Variants in PEBP4 observed in about 807,000 individuals in gnomAD.
PEBP4 encodes phosphatidylethanolamine binding protein 4, also known as phosphatidylethanolamine-binding protein 4.
PEBP4 carries 22 observed loss-of-function variants against 23.9 expected under a neutral mutation model. The observed-to-expected ratio is 0.92, with a 90% CI of 0.66 to 1.31. The LOEUF (loss-of-function observed/expected upper bound fraction) is 1.31, where lower values mean the gene tolerates loss of function less well. PEBP4 is among the 40% of genes most tolerant of loss of function. The pLI, the probability that PEBP4 is intolerant of heterozygous loss-of-function variation, is 0.00. For missense variants in PEBP4, 324 were observed against 281.7 expected (o/e 1.15, Z -1.07); for synonymous variants, 112 against 99.3 (o/e 1.13, Z -0.76).
chr8:22,765,455 T>C (rs1449277671), intron 4 of PEBP4, among the ~76,000 whole-genome samples: 1 of 152,164 alleles, frequency 6.6e-6, no homozygotes, highest in Non-Finnish European at 1.5e-5. Context: ...AGGTCCTCAG[T>C]TTCTTAGAAA....
intron 3 of PEBP4, among the ~76,000 whole-genome samples, chr8:22,873,406 G>A (rs562981461): frequency 1.3e-5 from 2 of 152,186 alleles, no homozygotes; most frequent in South Asian, 4.2e-4. Context: ...AGGCGAGGAG[G>A]ATTGTTTGAA....
chr8:22,921,690 G>C (rs1385870800), intron 2 of PEBP4, among the ~76,000 whole-genome samples: 2 of 152,264 alleles, frequency 1.3e-5, no homozygotes, highest in Admixed American at 1.3e-4. Flanking sequence ...TCATGGGCTT[G>C]CTGAGCAAGT....
chr8:22,835,883 AG>A (rs1807196167), intron 3 of PEBP4, among the ~76,000 whole-genome samples: 2 of 152,390 alleles, frequency 1.3e-5, no homozygotes, highest in East Asian at 3.9e-4. Flanking sequence ...AAAAGGTCCC[AG>A]TTTCTTCACT....
chr8:22,935,678 CA>C (rs1809528243), intron 1 of PEBP4, among the ~76,000 whole-genome samples: 1 of 152,114 alleles, frequency 6.6e-6, no homozygotes, highest in South Asian at 2.1e-4. Context: ...GTTTTATGCA[CA>C]ACATTATTAA....
intron 4 of PEBP4, among the ~76,000 whole-genome samples, chr8:22,752,327 A>T (rs560146462): frequency 6.6e-6 from 1 of 150,666 alleles, no homozygotes; most frequent in African/African-American, 2.5e-5. Flanking sequence ...TAAAATGGAT[A>T]AAAAAGGTGA....
chr8:22,809,493 G>A (rs947361674), intron 4 of PEBP4, among the ~76,000 whole-genome samples: 4 of 152,220 alleles, frequency 2.6e-5, no homozygotes, highest in Non-Finnish European at 4.4e-5. Context: ...TGTGGAACCC[G>A]TTTAGACTCT....
At chr8:22,841,486 T>C (rs1265723914) in intron 3 of PEBP4, among the ~76,000 whole-genome samples, 1 of 152,212 alleles carries the variant, frequency 6.6e-6, no homozygotes, top group Non-Finnish European at 1.5e-5. Flanking sequence ...AGCAAACGGG[T>C]CCTTTCTCTA....
At chr8:22,926,002 G>A (rs151073211) in intron 2 of PEBP4, among the ~76,000 whole-genome samples, 9 of 152,296 alleles carry the variant, frequency 5.9e-5, no homozygotes, top group African/African-American at 2.2e-4. Flanking sequence ...TTGAGACAGA[G>A]TCTTGGTCTG....
rs1055300830 is a variant in PEBP4, at chr8:22,865,880, G to C, written c.259-48145C>G. The stretch of plus-strand genomic sequence containing the variant: ...CGCAGGGCCCACCCCGGCTGTCCCA[G>C]CTCGGGCGCCCCAAACCCACAGCTC... On this transcript the variant is annotated intron_variant, in intron 3 of 6. Transcript: ENST00000256404. The surrounding 1 kb of genome is among the most constrained non-coding windows in gnomAD (Gnocchi z 6.9). Among the ~76,000 whole-genome samples the C allele has an allele frequency of 2.6e-5, 4 of 152,136 alleles. No individual in the cohort carries two copies. The highest frequency in any genetic ancestry group is 2.1e-4 in the South Asian group (1 of 4,838).
intron 3 of PEBP4, among the ~76,000 whole-genome samples, chr8:22,853,336 A>T (rs565253737): frequency 1.1e-4 from 17 of 152,356 alleles, no homozygotes; most frequent in Non-Finnish European, 1.9e-4. Flanking sequence ...TGGTTTCTCC[A>T]GGTCACAGAG....
At chr8:22,841,403 A>G (rs1382676105) in intron 3 of PEBP4, among the ~76,000 whole-genome samples, 1 of 152,268 alleles carries the variant, frequency 6.6e-6, no homozygotes, top group African/African-American at 2.4e-5. Flanking sequence ...GGTTACTTTC[A>G]AAATTAAGAA....
At chr8:22,924,255 T>C (rs1378946730) in intron 2 of PEBP4, among the ~76,000 whole-genome samples, 1 of 152,044 alleles carries the variant, frequency 6.6e-6, no homozygotes, top group Non-Finnish European at 1.5e-5. Context: ...TCCCAGCTAC[T>C]CAGGACGTTG....
At chr8:22,913,064 C>G (rs989727747) in intron 3 of PEBP4, among the ~76,000 whole-genome samples, 2 of 152,236 alleles carry the variant, frequency 1.3e-5, no homozygotes, top group African/African-American at 4.8e-5. Context: ...TTCTGTCCTT[C>G]AGACTACAAA....
At chr8:22,734,168 A>G (rs1399386563) in intron 4 of PEBP4, among the ~76,000 whole-genome samples, 1 of 152,206 alleles carries the variant, frequency 6.6e-6, no homozygotes, top group Non-Finnish European at 1.5e-5. Flanking sequence ...AGGGTAAGTG[A>G]GCGGAAGGCA....
At chr8:22,744,929 T>C (rs1434299731) in intron 4 of PEBP4, among the ~76,000 whole-genome samples, 1 of 152,174 alleles carries the variant, frequency 6.6e-6, no homozygotes, top group Non-Finnish European at 1.5e-5. Flanking sequence ...GGTTAATGAC[T>C]TGCCGGAGAT....
At position 22,738,110 on chromosome 8, in the gene PEBP4, G is replaced by A. The variant is rs148410495; in HGVS notation, c.358-10890C>T. On this transcript the variant is annotated intron_variant, in intron 4 of 6. Coordinates refer to ENST00000256404, the MANE Select transcript of PEBP4 (RefSeq NM_144962.3). ...CAGCTGTGAATGTTGGGCCTGCCCC[G>A]CTGGGCCTATACTCAGCCAGGGTGC... 4.6e-5 allele frequency among the ~76,000 whole-genome samples: 7 copies of A among 152,336 alleles called. No homozygotes were observed. The East Asian group carries it at 9.7e-4, about 21-fold the overall frequency.
intron 2 of PEBP4, among the ~76,000 whole-genome samples, chr8:22,927,057 G>A (rs1444100477): frequency 6.6e-6 from 1 of 152,208 alleles, no homozygotes; most frequent in Non-Finnish European, 1.5e-5. Flanking sequence ...TGTGCCCTTG[G>A]AAGGGAAGAA....
chr8:22,855,159 T>C (rs898436643), intron 3 of PEBP4, among the ~76,000 whole-genome samples: 2 of 152,148 alleles, frequency 1.3e-5, no homozygotes, highest in African/African-American at 4.8e-5. Context: ...AGAAGAATTC[T>C]GTGATCCAAG....
At chr8:22,721,117 C>T (rs1804509264) in intron 6 of PEBP4, among the ~76,000 whole-genome samples, 1 of 152,100 alleles carries the variant, frequency 6.6e-6, no homozygotes, top group Non-Finnish European at 1.5e-5. Flanking sequence ...TGATGCAAGA[C>T]CTCTACTAGG....
Sources: gnomAD v4.1 joint callset for allele counts (sites outside exome capture counted in the v4.1 genomes callset) on GRCh38, gnomAD v4.1.1 for gene constraint, Gnocchi (gnomAD v3.1) non-coding constraint, MANE v1.5 for transcripts, NCBI Gene and HGNC (gene_info 2026-07-23, HGNC 2026-07-21) for gene names.